MTMR2: variants seen among roughly 807,000 people sequenced by gnomAD.
MTMR2 encodes the protein phosphatidylinositol-3,5-bisphosphate 3-phosphatase MTMR2.
MTMR2 carries 55 observed loss-of-function variants against 86.9 expected under a neutral mutation model. The observed-to-expected ratio is 0.63, with a 90% CI of 0.51 to 0.79. The LOEUF is 0.79. MTMR2 is among the 30% of genes least tolerant of loss of function. The probability of loss-of-function intolerance (pLI) is 0.00; values close to 1 mark genes in which losing one functional copy is unlikely to be tolerated. For synonymous variants in MTMR2, 241 were observed against 266.8 expected (o/e 0.90, Z 0.94); for missense variants, 659 against 772.3 (o/e 0.85, Z 1.74).
intron 1 of MTMR2, among the ~76,000 whole-genome samples, chr11:95,909,235 A>G (rs1001618647): frequency 3.9e-5 from 6 of 152,044 alleles, no homozygotes; most frequent in Non-Finnish European, 7.4e-5. Context: ...GGGGAAAATT[A>G]CTCTCTATAT....
chr11:95,845,814 G>A (rs1290788844), intron 10 of MTMR2, among the ~76,000 whole-genome samples: 8 of 135,912 alleles, frequency 5.9e-5, no homozygotes, highest in Non-Finnish European at 1.2e-4. Context: ...CTTTTCTGAA[G>A]TCAATCTTGA....
intron 14 of MTMR2, 53 bp downstream of exon 14, chr11:95,836,091 GAGAC>G (rs1380932346): frequency 2.0e-6 from 3 of 1,492,412 alleles, no homozygotes; most frequent in Admixed American, 3.4e-5. Context: ...TGCTTTTAAG[GAGAC>G]AAAGTTGCAC....
chr11:95,903,318 C>T (rs1866142283), intron 1 of MTMR2, among the ~76,000 whole-genome samples: 1 of 152,178 alleles, frequency 6.6e-6, no homozygotes, highest in South Asian at 2.1e-4. Context: ...ATTTCATGTT[C>T]TCACTTCTCG....
At chr11:95,906,347 A>C (rs537093902) in intron 1 of MTMR2, among the ~76,000 whole-genome samples, 1 of 152,212 alleles carries the variant, frequency 6.6e-6, no homozygotes, top group Non-Finnish European at 1.5e-5. Flanking sequence ...AAGAAGACTC[A>C]ACTATCCTAA....
Position 95,836,189 on chromosome 11 carries a change from C to T in MTMR2, c.1729G>A (p.Val577Met), listed in dbSNP as rs1334421358. Reference sequence around the variant, plus strand: ...GGATTCCACCTTATGTAATATCCCACCCAGAGCTCTAGGTGGCGCATGCTG... The same window carrying T: ...GGATTCCACCTTATGTAATATCCCATCCAGAGCTCTAGGTGGCGCATGCTG... ...VASMRHLELW[V>M]GYYIRWNPRM... Residue 577 changes from valine (V) to methionine (M), a missense_variant, in exon 14 of 15, where the codon GTG (valine) becomes ATG (methionine). By Grantham distance (21) the Val-to-Met change is conservative. Coordinates refer to ENST00000346299, the MANE Select transcript of MTMR2 (RefSeq NM_016156.6). 1.9e-6 allele frequency: 3 copies of T among 1,612,908 alleles called. No homozygotes were observed. Among genetic ancestry groups the T allele is most frequent in the Non-Finnish European group, 2.5e-6 (3 of 1,179,144 alleles).
intron 1 of MTMR2, among the ~76,000 whole-genome samples, chr11:95,900,326 C>A (rs1866024820): frequency 6.6e-6 from 1 of 151,848 alleles, no homozygotes. Context: ...ATTATGTAGC[C>A]CAGGGACAAG....
intron 2 of MTMR2, among the ~76,000 whole-genome samples, chr11:95,886,478 G>A (rs948364502): frequency 1.3e-5 from 2 of 152,150 alleles, no homozygotes; most frequent in Admixed American, 6.5e-5. Context: ...AATGATGGAG[G>A]TCTGCATGCA....
At chr11:95,918,726 G>C (rs1866799796) in intron 1 of MTMR2, among the ~76,000 whole-genome samples, 1 of 152,182 alleles carries the variant, frequency 6.6e-6, no homozygotes, top group Non-Finnish European at 1.5e-5. Flanking sequence ...CTTGCCAGCT[G>C]TCTCAGCAGA....
chr11:95,880,876 T>C (rs1036854228), intron 2 of MTMR2, among the ~76,000 whole-genome samples: 12 of 152,106 alleles, frequency 7.9e-5, no homozygotes, highest in Non-Finnish European at 1.6e-4. Flanking sequence ...TATCCCAAAA[T>C]GTGACCTGTC....
rs199736817 is a variant in MTMR2, at chr11:95,857,576, G to A, written c.630C>T (p.Asp210=). Residue 210 remains aspartate (D), a synonymous_variant, in exon 7 of 15, where the codon GAC becomes GAT. Transcript: ENST00000346299. ...CCTGCCTTCTATACTCTAAAAGAGG[G>A]TCATATAGCTTCCACCCATTTTCAG... ...VFPENGWKLY[D]PLLEYRRQGI... is the part of the protein sequence containing the mutation. The A allele has an allele frequency of 6.2e-7, 1 of 1,611,806 alleles. No homozygotes were observed. Among genetic ancestry groups the A allele is most frequent in the Non-Finnish European group, 8.5e-7 (1 of 1,178,200 alleles).
chr11:95,921,535 C>T (rs1255213851), intron 1 of MTMR2, among the ~76,000 whole-genome samples: 1 of 152,136 alleles, frequency 6.6e-6, no homozygotes, highest in East Asian at 1.9e-4. Context: ...GAGTCACCTG[C>T]GATGAAGTGT....
intron 1 of MTMR2, among the ~76,000 whole-genome samples, chr11:95,901,128 T>C (rs1057227347): frequency 6.6e-6 from 1 of 152,220 alleles, no homozygotes; most frequent in Non-Finnish European, 1.5e-5. Flanking sequence ...TTCTCTCTTC[T>C]TAATTTCTCT....
chr11:95,844,694 G>T (rs1033896404), intron 11 of MTMR2, among the ~76,000 whole-genome samples: 1 of 152,078 alleles, frequency 6.6e-6, no homozygotes, highest in African/African-American at 2.4e-5. Context: ...AACACCCGTG[G>T]ACATCACTGA....
chr11:95,892,327 C>T (rs1865741300), intron 1 of MTMR2, among the ~76,000 whole-genome samples: 1 of 152,118 alleles, frequency 6.6e-6, no homozygotes, highest in Admixed American at 6.5e-5. Context: ...CTAACTTCTC[C>T]AAGAAGTCTT....
At chr11:95,867,049 A>C (rs539174058) in intron 2 of MTMR2, among the ~76,000 whole-genome samples, 2 of 152,302 alleles carry the variant, frequency 1.3e-5, no homozygotes, top group East Asian at 3.9e-4. Flanking sequence ...TCAAACTAAC[A>C]ACTAATTGCC....
intron 1 of MTMR2, among the ~76,000 whole-genome samples, chr11:95,916,081 T>G (rs1385097023): frequency 6.6e-6 from 1 of 152,150 alleles, no homozygotes. Flanking sequence ...TTTCAGTGTG[T>G]TTTCTATTTT....
chr11:95,862,545 G>A (rs2135476736), intron 3 of MTMR2, among the ~76,000 whole-genome samples, 179 bp from the exon 4 acceptor site: 1 of 152,272 alleles, frequency 6.6e-6, no homozygotes, highest in East Asian at 1.9e-4. Flanking sequence ...CTAATCTGGG[G>A]AAGAAACACA....
chr11:95,911,608 A>G (rs1866508059), intron 1 of MTMR2, among the ~76,000 whole-genome samples: 2 of 152,200 alleles, frequency 1.3e-5, no homozygotes, highest in South Asian at 2.1e-4. Flanking sequence ...GACAGCTCAA[A>G]TGAAAACACA....
At chr11:95,837,833 G>A (rs764867043) in intron 13 of MTMR2, among the ~76,000 whole-genome samples, 3 of 151,902 alleles carry the variant, frequency 2.0e-5, no homozygotes, top group African/African-American at 4.8e-5. Context: ...TAGATTTCAC[G>A]TACTTCAGTT....
Sources: allele counts gnomAD v4.1 joint callset (sites outside exome capture counted in the v4.1 genomes callset), GRCh38; gene constraint gnomAD v4.1.1; transcripts MANE v1.5; gene names NCBI Gene and HGNC (gene_info 2026-07-23, HGNC 2026-07-21).